The following PLD5 variants were observed in gnomAD, a reference collection of about 807,000 sequenced individuals.
The protein encoded by PLD5 is phospholipase D family member 5.
Under a neutral mutation model 61.1 loss-of-function variants are expected in PLD5, and 36 were observed. The ratio of observed to expected loss-of-function variants is 0.59; its 90% CI spans 0.45 to 0.78. PLD5 has a LOEUF of 0.78. Among genes scored for constraint, PLD5 ranks in the 30% least tolerant of loss-of-function variants. The pLI, the probability that PLD5 is intolerant of heterozygous loss-of-function variation, is 0.00. For missense variants in PLD5, 515 were observed against 644.4 expected, an observed-to-expected ratio of 0.80 and a Z score of 2.17; for synonymous variants, 243 against 242.8, an observed-to-expected ratio of 1.00 and a Z score of -0.01.
chr1:242,273,359 C>T (rs1267808702), intron 3 of PLD5, among the ~76,000 whole-genome samples: 1 of 152,014 alleles, frequency 6.6e-6, no homozygotes, highest in Non-Finnish European at 1.5e-5. Context: ...CAAGTCTTTG[C>T]TATTGTAAAT....
In PLD5 at chr1:242,476,265, G is replaced by T. The variant is rs1027296891; in HGVS notation, c.189+47823C>A. On this transcript the variant is annotated intron_variant, in intron 1 of 9. Transcript: ENST00000536534. The stretch of plus-strand genomic sequence containing the variant: ...AGCTACTCAGGAGGCTGAAACAGGA[G>T]AATCACTTGGACCTGGGAGGCAGAG... 3.5e-4 allele frequency among the ~76,000 whole-genome samples: 53 copies of T among 152,012 alleles called. 2 individuals are homozygous for T. Among genetic ancestry groups the T allele is most frequent in the Non-Finnish European group, 2.9e-5 (2 of 68,000 alleles).
At chr1:242,118,281 T>G (rs1030057183) in intron 6 of PLD5, among the ~76,000 whole-genome samples, 2 of 152,204 alleles carry the variant, frequency 1.3e-5, no homozygotes, top group Non-Finnish European at 2.9e-5. Context: ...GCCTTGAAGC[T>G]CAAATAAATG....
At chr1:242,228,382 C>T (rs534711025) in intron 4 of PLD5, among the ~76,000 whole-genome samples, 5 of 152,078 alleles carry the variant, frequency 3.3e-5, no homozygotes, top group African/African-American at 7.2e-5. Context: ...TAATAGTACC[C>T]GAGGCACCCG....
At chr1:242,462,718 C>A (rs1667157779) in intron 1 of PLD5, among the ~76,000 whole-genome samples, 1 of 152,066 alleles carries the variant, frequency 6.6e-6, no homozygotes, top group Non-Finnish European at 1.5e-5. Context: ...CCTTGTGCCA[C>A]CAGATGAGGA....
intron 5 of PLD5, among the ~76,000 whole-genome samples, chr1:242,157,730 C>T (rs1449115958): frequency 2.0e-5 from 3 of 152,160 alleles, no homozygotes; most frequent in Non-Finnish European, 2.9e-5. Flanking sequence ...AGGCCACCTG[C>T]CAGTTGGAGC....
intron 1 of PLD5, among the ~76,000 whole-genome samples, chr1:242,427,999 C>G (rs188918687): frequency 6.6e-6 from 1 of 152,162 alleles, no homozygotes; most frequent in African/African-American, 2.4e-5. Flanking sequence ...AGCTGATTCC[C>G]TTATGAGCTT....
intron 5 of PLD5, among the ~76,000 whole-genome samples, chr1:242,209,889 G>A (rs1333672326): frequency 2.0e-5 from 3 of 152,166 alleles, no homozygotes; most frequent in Non-Finnish European, 4.4e-5. Flanking sequence ...CTGCCTCCCA[G>A]GTTCAAGCAA....
At chr1:242,267,633 GC>G (rs1284420656) in intron 3 of PLD5, among the ~76,000 whole-genome samples, 4 of 151,612 alleles carry the variant, frequency 2.6e-5, no homozygotes, top group Non-Finnish European at 5.9e-5. Context: ...TAATCCCAGT[GC>G]TTTGGGAGGC....
At chr1:242,243,772 G>C (rs1672200110) in intron 4 of PLD5, among the ~76,000 whole-genome samples, 1 of 152,156 alleles carries the variant, frequency 6.6e-6, no homozygotes, top group African/African-American at 2.4e-5. Flanking sequence ...TCCTCTCTCT[G>C]TGTGAGGCAT....
At chr1:242,133,154 A>AG (rs1663433534) in intron 5 of PLD5, among the ~76,000 whole-genome samples, 1 of 152,006 alleles carries the variant, frequency 6.6e-6, no homozygotes, top group South Asian at 2.1e-4. Flanking sequence ...TCATTTGCAT[A>AG]GGGGTATAAC....
At position 242,085,505 on chromosome 1, in the gene PLD5, G is replaced by A. The variant is rs953300219; in HGVS notation, c.*4349C>T. 6.6e-6 allele frequency: 1 copy of A among 152,054 alleles called. No individual in the cohort carries two copies. Among genetic ancestry groups the A allele is most frequent in the African/African-American group, 2.4e-5 (1 of 41,390 alleles). 9.4% of individuals were successfully genotyped at this position (152,054 alleles called of 1,614,324 possible). A position where few individuals can be genotyped will look rare whatever the true frequency, so the allele number is the denominator to read the frequency against. Reference sequence around the variant, plus strand: ...AGCCTCCGTCCATTTAAGTCAATAAGGTGAAAATGGTAAGCAGCTATTTTG... The same window carrying A: ...AGCCTCCGTCCATTTAAGTCAATAAAGTGAAAATGGTAAGCAGCTATTTTG... On this transcript the variant is annotated 3_prime_UTR_variant, in exon 10 of 10. Transcript: ENST00000536534.
chr1:242,297,946 A>G (rs1675805926), intron 2 of PLD5, among the ~76,000 whole-genome samples: 1 of 152,118 alleles, frequency 6.6e-6, no homozygotes, highest in Non-Finnish European at 1.5e-5. Flanking sequence ...GCCCGGATTC[A>G]TGTTTCTTAA....
At chr1:242,470,378 GAAAA>G (rs796211716) in intron 1 of PLD5, among the ~76,000 whole-genome samples, 155 of 62,238 alleles carry the variant, frequency 2.5e-3, no homozygotes, top group Admixed American at 4.6e-3. Context: ...AAGAAAGAAA[GAAAA>G]AAAAGAAAGA....
At chr1:242,527,401 A>G (rs7518967), upstream of PLD5, among the ~76,000 whole-genome samples, 126,751 of 151,968 alleles carry the variant, frequency 0.83, 52,990 homozygotes, top group East Asian at 0.97. Context: ...CTCCCAAAGT[A>G]TTGGGATTAC....
intron 5 of PLD5, 86 bp from the exon 6 acceptor site, chr1:242,124,751 T>C (rs1662654728): frequency 9.3e-7 from 1 of 1,073,448 alleles, no homozygotes; most frequent in Non-Finnish European, 1.4e-6. Context: ...AAGAATGAGG[T>C]AGTTGTGACA....
intron 9 of PLD5, 27 bp downstream of exon 9, chr1:242,100,641 A>T (rs746926170): frequency 1.9e-6 from 3 of 1,576,054 alleles, no homozygotes; most frequent in Non-Finnish European, 1.7e-6. Flanking sequence ...ACCCCCACCC[A>T]AGGAGCTTCA....
chr1:242,298,590 C>T (rs1247380644), intron 2 of PLD5, among the ~76,000 whole-genome samples: 2 of 152,046 alleles, frequency 1.3e-5, no homozygotes, highest in Non-Finnish European at 2.9e-5. Flanking sequence ...CACTTTGGGT[C>T]GACAGAGGAA....
intron 5 of PLD5, among the ~76,000 whole-genome samples, chr1:242,160,590 G>A (rs1464405517): frequency 6.6e-6 from 1 of 152,140 alleles, no homozygotes; most frequent in Non-Finnish European, 1.5e-5. Context: ...ATTGACACTG[G>A]AAAATGTGTA....
chr1:242,284,119 CTTTTTTTTTTTTTTTTTTTT>C (rs565165218), intron 3 of PLD5, among the ~76,000 whole-genome samples: 1 of 75,948 alleles, frequency 1.3e-5, no homozygotes, highest in Non-Finnish European at 2.3e-5. Context: ...TTTCTTTTTC[CTTTTTTTTTTTTTTTTTTTT>C]TTTTTTTTTT....
Sources: gnomAD v4.1 joint callset for allele counts (sites outside exome capture counted in the v4.1 genomes callset) on GRCh38, gnomAD v4.1.1 for gene constraint, MANE v1.5 for transcripts, NCBI Gene and HGNC (gene_info 2026-07-23, HGNC 2026-07-21) for gene names.